The following ASXL2 variants were observed in gnomAD, a reference collection of about 807,000 sequenced individuals.
The protein encoded by ASXL2 is putative Polycomb group protein ASXL2.
Under a neutral mutation model 122.0 loss-of-function variants are expected in ASXL2, and 23 were observed. The ratio of observed to expected loss-of-function variants is 0.19; its 90% CI spans 0.14 to 0.27. The LOEUF is 0.27. Ranked by LOEUF, ASXL2 falls within the 10% of genes least tolerant of loss-of-function variation. The probability of loss-of-function intolerance (pLI) is 1.00; values close to 1 mark genes in which losing one functional copy is unlikely to be tolerated. For synonymous variants in ASXL2, 650 were observed against 637.0 expected (o/e 1.02, Z -0.31); for missense variants, 1,518 against 1,713.8 (o/e 0.89, Z 2.02).
At chr2:25,771,217 C>A (rs1261083598) in intron 6 of ASXL2, among the ~76,000 whole-genome samples, 1 of 152,184 alleles carries the variant, frequency 6.6e-6, no homozygotes, top group African/African-American at 2.4e-5. Context: ...AGCCTGGCAA[C>A]TGAGACTCTG....
chr2:25,875,602 T>A (rs572641375), intron 1 of ASXL2, among the ~76,000 whole-genome samples: 25 of 152,282 alleles, frequency 1.6e-4, no homozygotes, highest in African/African-American at 5.8e-4. Flanking sequence ...CATCCCAGTA[T>A]CACATATCTA....
At chr2:25,842,723 G>GTATATATCTATATAT (rs2089600147) in intron 2 of ASXL2, among the ~76,000 whole-genome samples, 1 of 150,510 alleles carries the variant, frequency 6.6e-6, no homozygotes, top group African/African-American at 2.4e-5. Context: ...TAGATAGATA[G>GTATATATCTATATAT]ATGTATATAT....
At chr2:25,806,481 T>C in intron 3 of ASXL2, 144 bp from the exon 4 acceptor site, 1 of 508,808 alleles carries the variant, frequency 2.0e-6, no homozygotes, top group Non-Finnish European at 3.4e-6. Context: ...AGTCTACCAA[T>C]ATAGAAAGGG....
chr2:25,764,278 A>C, intron 8 of ASXL2, among the ~76,000 whole-genome samples: 1 of 152,148 alleles, frequency 6.6e-6, no homozygotes, highest in East Asian at 1.9e-4. Flanking sequence ...CCACCTACAA[A>C]TTCATCTTCT....
intron 1 of ASXL2, among the ~76,000 whole-genome samples, chr2:25,856,286 A>G (rs188737759): frequency 4.8e-5 from 7 of 144,926 alleles, no homozygotes; most frequent in Admixed American, 4.2e-4. Context: ...CAAACTCCTA[A>G]CCTCAGGTGA....
At chr2:25,878,049 GC>G in intron 1 of ASXL2, 116 bp downstream of exon 1, 1 of 1,284,072 alleles carries the variant, frequency 7.8e-7, no homozygotes, top group East Asian at 2.3e-5. Flanking sequence ...CCCTCTCCGC[GC>G]GGTTTTGTGC....
intron 7 of ASXL2, 100 bp downstream of exon 7, chr2:25,768,642 A>G (rs1349324653): frequency 3.8e-6 from 5 of 1,324,950 alleles, no homozygotes; most frequent in Non-Finnish European, 5.2e-6. Context: ...GTAAGTAAAT[A>G]TAATTTAAAA....
At chr2:25,822,874 C>G (rs943919305) in intron 3 of ASXL2, 2 of 548,992 alleles carry the variant, frequency 3.6e-6, no homozygotes, top group Admixed American at 3.9e-5. Context: ...GAAGAGGATG[C>G]AGATTGACCA....
intron 10 of ASXL2, among the ~76,000 whole-genome samples, chr2:25,754,865 G>A (rs1247170798): frequency 6.6e-6 from 1 of 151,758 alleles, no homozygotes; most frequent in Admixed American, 6.6e-5. Flanking sequence ...AAAAATATCT[G>A]TAGGAAAGAG....
At chr2:25,769,587 G>T (rs1226848446) in intron 6 of ASXL2, among the ~76,000 whole-genome samples, 1 of 148,046 alleles carries the variant, frequency 6.8e-6, no homozygotes, top group Non-Finnish European at 1.5e-5. Context: ...TATTTAAAAT[G>T]AACAGAAAAA....
At chr2:25,828,999 A>C (rs1360410536) in intron 3 of ASXL2, among the ~76,000 whole-genome samples, 1 of 152,172 alleles carries the variant, frequency 6.6e-6, no homozygotes, top group Non-Finnish European at 1.5e-5. Context: ...CACAAGGCTT[A>C]TTAAAGATTA....
intron 6 of ASXL2, 58 bp from the exon 7 acceptor site, chr2:25,768,926 T>G (rs769122122): frequency 6.5e-7 from 1 of 1,540,502 alleles, no homozygotes. Context: ...AGTAATAATA[T>G]AAATTACTTC....
chr2:25,872,046 G>A (rs1176944274), intron 1 of ASXL2, among the ~76,000 whole-genome samples: 6 of 152,128 alleles, frequency 3.9e-5, no homozygotes, highest in African/African-American at 1.2e-4. Flanking sequence ...ACAGATCTAT[G>A]GGATAAATGT....
At chr2:25,776,192 G>A (rs953038031) in intron 5 of ASXL2, among the ~76,000 whole-genome samples, 1 of 152,030 alleles carries the variant, frequency 6.6e-6, no homozygotes, top group East Asian at 1.9e-4. Context: ...GTGGTCCTAG[G>A]TAACCAGTAA....
At chr2:25,871,375 T>C (rs1286913290) in intron 1 of ASXL2, among the ~76,000 whole-genome samples, 1 of 152,140 alleles carries the variant, frequency 6.6e-6, no homozygotes, top group Non-Finnish European at 1.5e-5. Flanking sequence ...GAAAGGACTT[T>C]TGCAAACCTG....
At chr2:25,850,666 GT>G (rs1176878053) in intron 1 of ASXL2, among the ~76,000 whole-genome samples, 1 of 152,128 alleles carries the variant, frequency 6.6e-6, no homozygotes, top group East Asian at 1.9e-4. Context: ...TTATTATAAA[GT>G]TTCCCATCAG....
intron 11 of ASXL2, among the ~76,000 whole-genome samples, chr2:25,751,781 T>C (rs1373040850): frequency 2.6e-5 from 4 of 152,074 alleles, no homozygotes; most frequent in Admixed American, 1.3e-4. Flanking sequence ...AATCAGTTTA[T>C]AGAACTCTTT....
chr2:25,789,834 A>T (rs2088805005), intron 5 of ASXL2, among the ~76,000 whole-genome samples: 1 of 152,158 alleles, frequency 6.6e-6, no homozygotes, highest in Non-Finnish European at 1.5e-5. Context: ...ATTATAATCT[A>T]ATTTAAAATT....
At chr2:25,761,804 A>C (rs2149148329) in intron 8 of ASXL2, among the ~76,000 whole-genome samples, 1 of 152,264 alleles carries the variant, frequency 6.6e-6, no homozygotes, top group South Asian at 2.1e-4. Context: ...ATGTCCACCA[A>C]ACTATCCTTC....
Sources: gnomAD v4.1 joint callset for allele counts (sites outside exome capture counted in the v4.1 genomes callset) on GRCh38, gnomAD v4.1.1 for gene constraint, MANE v1.5 for transcripts, NCBI Gene and HGNC (gene_info 2026-07-23, HGNC 2026-07-21) for gene names.